The following TRPM3 variants were observed in gnomAD, a reference collection of about 807,000 sequenced individuals.
The protein encoded by TRPM3 is transient receptor potential cation channel subfamily M member 3, also known as long transient receptor potential channel 3.
TRPM3 carries 77 observed loss-of-function variants against 181.2 expected under a neutral mutation model. That is an observed-to-expected ratio of 0.42 (90% CI 0.35 to 0.51). The LOEUF (loss-of-function observed/expected upper bound fraction) is 0.51, where lower values mean the gene tolerates loss of function less well. Among genes scored for constraint, TRPM3 ranks in the 20% least tolerant of loss-of-function variants. The pLI is 0.01. For missense variants in TRPM3, 1,759 were observed against 2,196.7 expected, an observed-to-expected ratio of 0.80 and a Z score of 3.98; for synonymous variants, 745 against 796.4, an observed-to-expected ratio of 0.94 and a Z score of 1.09.
intron 1 of TRPM3, among the ~76,000 whole-genome samples, chr9:70,958,855 T>A (rs1335048247): frequency 6.6e-6 from 1 of 151,830 alleles, no homozygotes; most frequent in Non-Finnish European, 1.5e-5. Context: ...ATGTCCTTTG[T>A]AGGGACATGG....
intron 1 of TRPM3, among the ~76,000 whole-genome samples, chr9:71,092,363 A>G (rs1000467922): frequency 5.9e-5 from 9 of 152,174 alleles, no homozygotes; most frequent in Non-Finnish European, 1.2e-4. Context: ...CTGATTACCA[A>G]TTTTCATAAG....
intron 1 of TRPM3, among the ~76,000 whole-genome samples, chr9:70,955,197 A>C (rs573656592): frequency 6.6e-6 from 1 of 152,276 alleles, no homozygotes; most frequent in South Asian, 2.1e-4. Context: ...AAAAGTGGCA[A>C]TCACATTCTT....
rs1242061482 is a variant in TRPM3 at position 70,983,006 on chromosome 9, C to G, written c.178-118495G>C. Reference sequence around the variant, plus strand: ...GAGCCACCACACCTGGCCAAGTTCTCTAAATTTTAAGTCTTTCTTTCCTGA... The same window carrying G: ...GAGCCACCACACCTGGCCAAGTTCTGTAAATTTTAAGTCTTTCTTTCCTGA... On this transcript the variant is annotated intron_variant, in intron 1 of 25. Coordinates refer to ENST00000677713, the MANE Select transcript of TRPM3 (RefSeq NM_001366145.2). 5.3e-5 allele frequency among the ~76,000 whole-genome samples: 8 copies of G among 152,102 alleles called. No individual in the cohort carries two copies. The South Asian group carries it at 1.2e-3, about 24-fold the overall frequency.
chr9:71,272,712 ACTTTT>A (rs1485214748), intron 1 of TRPM3, among the ~76,000 whole-genome samples: 4 of 150,320 alleles, frequency 2.7e-5, no homozygotes, highest in Non-Finnish European at 5.9e-5. Context: ...CTCATACTAT[ACTTTT>A]ATCATTTTGT....
intron 12 of TRPM3, among the ~76,000 whole-genome samples, chr9:70,631,428 T>G (rs990337977): frequency 3.2e-4 from 49 of 151,796 alleles, no homozygotes; most frequent in Admixed American, 5.3e-4. Context: ...GAACTTTAAA[T>G]TATCATAATT....
rs193081053 is a variant in TRPM3 at position 70,959,679 on chromosome 9, T to C, written c.178-95168A>G. Among the ~76,000 whole-genome samples, 13 of 152,310 alleles carry C rather than the reference T, an allele frequency of 8.5e-5. No homozygotes were observed. The East Asian group carries it at 2.1e-3, about 25-fold the overall frequency. On this transcript the variant is annotated intron_variant, in intron 1 of 25. Transcript: ENST00000677713. The stretch of plus-strand genomic sequence containing the variant: ...ACTTCTGGGCCTATTTCTGGGGATC[T>C]TTCTTCGCTACTGAACATCAAAACT...
chr9:71,205,133 C>A (rs1377819870), intron 1 of TRPM3, among the ~76,000 whole-genome samples: 3 of 151,924 alleles, frequency 2.0e-5, no homozygotes, highest in Admixed American at 6.6e-5. Context: ...TTAATGGGTG[C>A]AGCACACCAG....
At chr9:70,582,822 A>G (rs1193007826) in intron 22 of TRPM3, among the ~76,000 whole-genome samples, 1 of 152,176 alleles carries the variant, frequency 6.6e-6, no homozygotes, top group Non-Finnish European at 1.5e-5. Flanking sequence ...TGGGAGTCTA[A>G]GAGATCCCTG....
intron 1 of TRPM3, among the ~76,000 whole-genome samples, chr9:70,890,498 G>A (rs2096181890): frequency 6.6e-6 from 1 of 152,074 alleles, no homozygotes; most frequent in African/African-American, 2.4e-5. Flanking sequence ...TGGAGTAGAT[G>A]AAGATAGACC....
chr9:71,278,309 A>T (rs2084384368), intron 1 of TRPM3, among the ~76,000 whole-genome samples: 1 of 152,220 alleles, frequency 6.6e-6, no homozygotes, highest in Admixed American at 6.5e-5. Flanking sequence ...CCCCCAAAGA[A>T]GCACAGAACA....
chr9:70,772,766 T>C (rs1029464805), intron 7 of TRPM3, among the ~76,000 whole-genome samples: 4 of 152,016 alleles, frequency 2.6e-5, no homozygotes, highest in African/African-American at 7.3e-5. Context: ...GTCTCTTCTT[T>C]CCTTTGCCTT....
intron 1 of TRPM3, among the ~76,000 whole-genome samples, chr9:71,352,765 A>G (rs946269399): frequency 1.6e-4 from 24 of 152,280 alleles, no homozygotes; most frequent in Admixed American, 5.2e-4. Context: ...AGATTTTCCC[A>G]GAATTTCTAG....
At chr9:71,079,707 G>A (rs1478433936) in intron 1 of TRPM3, among the ~76,000 whole-genome samples, 2 of 152,186 alleles carry the variant, frequency 1.3e-5, no homozygotes, top group African/African-American at 4.8e-5. Context: ...TGGCTTAGTA[G>A]TCAACAGGGT....
chr9:70,576,561 C>T (rs1454480909), intron 22 of TRPM3, among the ~76,000 whole-genome samples: 1 of 150,420 alleles, frequency 6.6e-6, no homozygotes, highest in Admixed American at 6.7e-5. Flanking sequence ...GTCGCCCAGA[C>T]TAGAGTGCAA....
At chr9:71,213,502 A>G (rs1438873452) in intron 1 of TRPM3, among the ~76,000 whole-genome samples, 2 of 152,206 alleles carry the variant, frequency 1.3e-5, no homozygotes, top group African/African-American at 4.8e-5. Context: ...ATAAATAGCA[A>G]TACTATGTTT....
chr9:70,993,781 T>A, intron 1 of TRPM3, among the ~76,000 whole-genome samples: 2 of 82,990 alleles, frequency 2.4e-5, no homozygotes, highest in East Asian at 4.0e-4. Flanking sequence ...TGAGATTCCA[T>A]CTCAAAAAAA....
At chr9:70,542,853 G>A (rs1266550099) in intron 25 of TRPM3, among the ~76,000 whole-genome samples, 2 of 152,144 alleles carry the variant, frequency 1.3e-5, no homozygotes, top group African/African-American at 4.8e-5. Flanking sequence ...TCAAATCAAA[G>A]GCAATGATGC....
At chr9:71,290,133 T>C (rs1259087865) in intron 1 of TRPM3, among the ~76,000 whole-genome samples, 2 of 151,920 alleles carry the variant, frequency 1.3e-5, no homozygotes, top group African/African-American at 4.8e-5. Flanking sequence ...ATGAAAGATA[T>C]ATCTATTCAA....
At chr9:71,271,469 C>T (rs1250228537) in intron 1 of TRPM3, among the ~76,000 whole-genome samples, 1 of 152,042 alleles carries the variant, frequency 6.6e-6, no homozygotes, top group African/African-American at 2.4e-5. Flanking sequence ...ACTTATTTCT[C>T]CAAAGCACAT....
Sources: allele counts gnomAD v4.1 joint callset (sites outside exome capture counted in the v4.1 genomes callset), GRCh38; gene constraint gnomAD v4.1.1; transcripts MANE v1.5; gene names NCBI Gene and HGNC (gene_info 2026-07-23, HGNC 2026-07-21).